The following CCDC102B variants were observed in gnomAD, a reference collection of about 807,000 sequenced individuals.
The protein encoded by CCDC102B is coiled-coil domain-containing protein 102B.
A neutral mutation model predicts 57.4 loss-of-function variants in CCDC102B; 75 were observed. That is an observed-to-expected ratio of 1.31 (90% CI 1.08 to 1.58). The LOEUF (loss-of-function observed/expected upper bound fraction) is 1.58. Among genes scored for constraint, CCDC102B ranks in the 40% most tolerant of loss-of-function variants. The pLI is 0.00. For missense variants in CCDC102B, 636 were observed against 582.6 expected (o/e 1.09, Z -0.94); for synonymous variants, 206 against 201.9 (o/e 1.02, Z -0.17).
chr18:68,792,882 T>G (rs533289725), intron 2 of CCDC102B, among the ~76,000 whole-genome samples: 1 of 152,332 alleles, frequency 6.6e-6, no homozygotes, highest in South Asian at 2.1e-4. Flanking sequence ...TTCATAAAAG[T>G]GCATATTCTG....
intron 6 of CCDC102B, among the ~76,000 whole-genome samples, chr18:68,926,021 G>A (rs993898001): frequency 6.6e-6 from 1 of 151,784 alleles, no homozygotes; most frequent in African/African-American, 2.4e-5. Flanking sequence ...CTCCACCAGG[G>A]ATAATAAATT....
intron 6 of CCDC102B, among the ~76,000 whole-genome samples, chr18:68,986,466 A>G (rs1446980750): frequency 6.6e-6 from 1 of 152,196 alleles, no homozygotes; most frequent in African/African-American, 2.4e-5. Flanking sequence ...AAAACCGTCA[A>G]CAGAATAGGT....
At chr18:68,831,288 A>G (rs1203468949) in intron 1 of CCDC102B, among the ~76,000 whole-genome samples, 1 of 152,126 alleles carries the variant, frequency 6.6e-6, no homozygotes, top group Non-Finnish European at 1.5e-5. Context: ...CACCAGTGAC[A>G]TATTGCTTCA....
At chr18:68,882,698 C>T (rs2039736284) in intron 5 of CCDC102B, among the ~76,000 whole-genome samples, 1 of 152,170 alleles carries the variant, frequency 6.6e-6, no homozygotes, top group Non-Finnish European at 1.5e-5. Context: ...AGGATTGCCA[C>T]ATTTTCAAGA....
chr18:68,811,849 C>T (rs933403921), intron 1 of CCDC102B, among the ~76,000 whole-genome samples: 2 of 152,036 alleles, frequency 1.3e-5, no homozygotes, highest in Admixed American at 6.6e-5. Flanking sequence ...AAAAACTGGA[C>T]CTGGAAGGTA....
intron 1 of CCDC102B, among the ~76,000 whole-genome samples, chr18:68,829,596 G>A (rs558533802): frequency 3.4e-4 from 51 of 152,076 alleles, no homozygotes; most frequent in African/African-American, 1.2e-3. Context: ...CCAACATAAA[G>A]CAGTTGGCAG....
At chr18:68,886,319 A>AT (rs1336247202) in intron 5 of CCDC102B, among the ~76,000 whole-genome samples, 1 of 152,030 alleles carries the variant, frequency 6.6e-6, no homozygotes, top group East Asian at 1.9e-4. Context: ...AGGCCTTCAC[A>AT]TTAAAATAAG....
At chr18:68,904,675 A>G (rs2040562595) in intron 6 of CCDC102B, among the ~76,000 whole-genome samples, 1 of 152,048 alleles carries the variant, frequency 6.6e-6, no homozygotes, top group South Asian at 2.1e-4. Context: ...GCTCATGCCT[A>G]CTCTCAAATG....
chr18:68,937,113 A>G (rs961917295), intron 6 of CCDC102B, among the ~76,000 whole-genome samples: 67 of 152,032 alleles, frequency 4.4e-4, no homozygotes, highest in Admixed American at 3.3e-4. Flanking sequence ...ATTCATTAAC[A>G]TTGACCTTAT....
chr18:68,890,156 CCTTTTTTTT>C (rs1302399539), intron 5 of CCDC102B, among the ~76,000 whole-genome samples: 1 of 151,962 alleles, frequency 6.6e-6, no homozygotes, highest in African/African-American at 2.4e-5. Flanking sequence ...TCATTGCTTA[CCTTTTTTTT>C]TTAAACCTGG....
chr18:69,054,299 G>A lies in CCDC102B; in HGVS notation c.*162G>A, dbSNP rs2052778211. ...GGCTTCTTCACTTCTTCTAATTTTTGCCTAACAGATACTGCATATTCTCAA... is the reference window on the plus strand; with the variant it reads ...GGCTTCTTCACTTCTTCTAATTTTTACCTAACAGATACTGCATATTCTCAA... On this transcript the variant is annotated 3_prime_UTR_variant, in exon 8 of 8. Transcript: ENST00000360242. 7.6e-7 allele frequency: 1 copy of A among 1,308,604 alleles called. No homozygotes were observed. Among genetic ancestry groups the A allele is most frequent in the African/African-American group, 1.5e-5 (1 of 64,912 alleles). The allele number at this position is 1,308,604 out of a possible 1,614,324, so 81.1% of individuals were successfully genotyped here.
intron 6 of CCDC102B, among the ~76,000 whole-genome samples, chr18:69,001,194 G>A (rs970428569): frequency 3.3e-5 from 5 of 151,994 alleles, no homozygotes; most frequent in African/African-American, 9.7e-5. Context: ...TCAAATTTCA[G>A]ACTCAATGTT....
intron 2 of CCDC102B, among the ~76,000 whole-genome samples, chr18:68,740,462 A>T (rs1469369240): frequency 6.6e-6 from 1 of 152,206 alleles, no homozygotes; most frequent in Non-Finnish European, 1.5e-5. Flanking sequence ...AGTCAAAGAA[A>T]GTTTTGCTTT....
At chr18:68,910,980 G>C (rs1166508350) in intron 6 of CCDC102B, among the ~76,000 whole-genome samples, 4 of 151,838 alleles carry the variant, frequency 2.6e-5, no homozygotes, top group Non-Finnish European at 1.5e-5. Flanking sequence ...CTTATACACT[G>C]TTGGTGGGAG....
intron 2 of CCDC102B, among the ~76,000 whole-genome samples, chr18:68,744,861 T>A (rs978989049): frequency 6.6e-6 from 1 of 152,164 alleles, no homozygotes; most frequent in African/African-American, 2.4e-5. Flanking sequence ...AACTAGAGAA[T>A]GCTCTCCGAA....
At chr18:68,998,983 T>C (rs866685562) in intron 6 of CCDC102B, among the ~76,000 whole-genome samples, 2,123 of 66,222 alleles carry the variant, frequency 0.032, 28 homozygotes, top group Non-Finnish European at 0.048. Context: ...TATATATATA[T>C]ATATATATAT....
intron 2 of CCDC102B, among the ~76,000 whole-genome samples, chr18:68,731,010 C>T (rs930701886): frequency 1.4e-4 from 22 of 152,184 alleles, no homozygotes; most frequent in Admixed American, 6.5e-4. Context: ...TTTCTTGAGA[C>T]GGAGTTTCAC....
intron 1 of CCDC102B, among the ~76,000 whole-genome samples, chr18:68,811,106 C>T (rs188885263): frequency 8.7e-4 from 133 of 152,248 alleles, no homozygotes; most frequent in Non-Finnish European, 5.6e-4. Context: ...CATTGATGGG[C>T]ATTTGGTTTG....
intron 1 of CCDC102B, chr18:68,715,405 A>AT (rs2031885136): frequency 3.6e-6 from 1 of 275,542 alleles, no homozygotes; most frequent in Admixed American, 5.9e-5. Flanking sequence ...CTGGCACATC[A>AT]TTTACTTGTT....
Sources: gnomAD v4.1 joint callset for allele counts (sites outside exome capture counted in the v4.1 genomes callset) on GRCh38, gnomAD v4.1.1 for gene constraint, MANE v1.5 for transcripts, NCBI Gene and HGNC (gene_info 2026-07-23, HGNC 2026-07-21) for gene names.